The following PHRF1 variants were observed in gnomAD, a reference collection of about 807,000 sequenced individuals.
PHRF1 encodes the protein PHD and RING finger domain-containing protein 1.
PHRF1 carries 53 observed loss-of-function variants against 128.9 expected under a neutral mutation model. That is an observed-to-expected ratio of 0.41 (90% CI 0.33 to 0.52). The LOEUF (loss-of-function observed/expected upper bound fraction) is 0.52. PHRF1 is among the 20% of genes least tolerant of loss of function. PHRF1 has a pLI of 0.21. For missense variants in PHRF1, 2,503 were observed against 2,284.5 expected, an observed-to-expected ratio of 1.10 and a Z score of -1.95; for synonymous variants, 1,178 against 980.6, an observed-to-expected ratio of 1.20 and a Z score of -3.76.
intron 9 of PHRF1, among the ~76,000 whole-genome samples, chr11:598,877 T>G (rs1855464004): frequency 6.6e-6 from 1 of 152,244 alleles, no homozygotes; most frequent in African/African-American, 2.4e-5. Flanking sequence ...CGAGTTGAGA[T>G]CAGTGATTTC....
Position 597,633 on chromosome 11 carries a change from CTGGG to C in PHRF1, c.894+72_894+75del. 1.5e-6 allele frequency: 2 copies of C among 1,352,286 alleles called. No individual in the cohort carries two copies. Among genetic ancestry groups the C allele is most frequent in the Non-Finnish European group, 2.0e-6 (2 of 993,430 alleles). The allele number at this position is 1,352,286 out of a possible 1,614,324, so 83.8% of individuals were successfully genotyped here. A position where few individuals can be genotyped will look rare whatever the true frequency, so the allele number is the denominator to read the frequency against. On this transcript the variant is annotated intron_variant, in intron 8 of 17. Transcript: ENST00000264555. This position sits in a 1 kb window ranked among gnomAD's most constrained non-coding sequence, Gnocchi z 6.5. Reference sequence around the variant, plus strand: ...AGCTGCCCAGAGTGATCTCGGCAGTCTGGGTGGGTGGGAGGGGCGTCGTCGGCAC... The same window carrying C: ...AGCTGCCCAGAGTGATCTCGGCAGTCTGGGTGGGAGGGGCGTCGTCGGCAC...
At chr11:577,926 C>G (rs1163406048) in intron 1 of PHRF1, among the ~76,000 whole-genome samples, 1 of 152,266 alleles carries the variant, frequency 6.6e-6, no homozygotes, top group Non-Finnish European at 1.5e-5. Context: ...CTTTAATCCC[C>G]CAAATCTGGA....
intron 6 of PHRF1, among the ~76,000 whole-genome samples, chr11:595,435 G>A (rs1161051820): frequency 6.6e-6 from 1 of 152,124 alleles, no homozygotes; most frequent in Non-Finnish European, 1.5e-5. Flanking sequence ...GGCAGTGCAG[G>A]GGCTCACTGA....
intron 3 of PHRF1, among the ~76,000 whole-genome samples, chr11:583,286 C>T (rs1007103706): frequency 6.6e-6 from 1 of 151,966 alleles, no homozygotes; most frequent in Admixed American, 6.6e-5. Context: ...TTGCAGTGAG[C>T]CAAGATCGCC....
chr11:585,161 T>C (rs1854457503), intron 3 of PHRF1, among the ~76,000 whole-genome samples: 1 of 152,188 alleles, frequency 6.6e-6, no homozygotes, highest in South Asian at 2.1e-4. Flanking sequence ...TTCGTTCTCA[T>C]TGCTTTTCCC....
chr11:581,041 C>A (rs898858076), intron 1 of PHRF1, among the ~76,000 whole-genome samples: 65 of 152,102 alleles, frequency 4.3e-4, no homozygotes, highest in African/African-American at 1.5e-3. Flanking sequence ...TCAGGCTGGT[C>A]TCAAACTCCC....
intron 10 of PHRF1, among the ~76,000 whole-genome samples, chr11:604,571 G>T (rs1855834220): frequency 6.6e-6 from 1 of 152,220 alleles, no homozygotes; most frequent in Non-Finnish European, 1.5e-5. Context: ...TGGAGTTACA[G>T]TGGTGCAATC....
chr11:581,530 G>C lies in PHRF1; in HGVS notation c.18G>C (p.Leu6=), dbSNP rs372176522. The change falls in exon 2 of 18, where the codon CTG becomes CTC. Residue 6 remains leucine (L), a synonymous_variant. Coordinates refer to ENST00000264555, the MANE Select transcript of PHRF1 (RefSeq NM_001286581.2). Reference sequence around the variant, plus strand: ...GTGCAGCAATGGATGACGACAGCCTGGATGAGCTTGTGGCCCGGAGCCCAG... The same window carrying C: ...GTGCAGCAATGGATGACGACAGCCTCGATGAGCTTGTGGCCCGGAGCCCAG... MDDDS[L]DELVARSPGP... 2.8e-4 allele frequency: 448 copies of C among 1,613,550 alleles called. No individual in the cohort carries two copies. Among genetic ancestry groups the C allele is most frequent in the Non-Finnish European group, 3.3e-4 (395 of 1,179,894 alleles).
At position 593,223 on chromosome 11, in the gene PHRF1, C is replaced by A. The variant is rs190946394; in HGVS notation, c.620+549C>A. 6.3e-4 allele frequency among the ~76,000 whole-genome samples: 96 copies of A among 152,354 alleles called. No individual in the cohort carries two copies. In the East Asian group the frequency reaches 0.015, roughly 24 times the overall value. On this transcript the variant is annotated intron_variant, in intron 6 of 17. Coordinates refer to ENST00000264555, the MANE Select transcript of PHRF1 (RefSeq NM_001286581.2). ...TGTCGTTGGCTGTAAGCAGATGCCC[C>A]CTTCCCCGTTAGCCTCCTGCGAGGG...
At position 598,417 on chromosome 11, in the gene PHRF1, C is replaced by G. The variant is rs757516242; in HGVS notation, c.939C>G (p.Ile313Met). ...RLGSSLLDEA[I>M]EAVATGLSTA... is the part of the protein sequence containing the mutation. ...GGTCTTCCCTGCTGGATGAAGCCAT[C>G]GAGGCTGTGGCGACTGGCCTGAGCA... is the stretch of plus-strand genomic sequence containing the variant. The change falls in exon 9 of 18, where the codon ATC (isoleucine) becomes ATG (methionine). Residue 313 changes from isoleucine (I) to methionine (M), a missense_variant. By Grantham distance (10) the Ile-to-Met change is conservative. Coordinates refer to ENST00000264555, the MANE Select transcript of PHRF1 (RefSeq NM_001286581.2). 7 of 1,611,206 alleles carry G rather than the reference C, an allele frequency of 4.3e-6. No homozygotes were observed. Among genetic ancestry groups the G allele is most frequent in the Middle Eastern group, 3.3e-4 (2 of 6,060 alleles).
chr11:579,226 A>G (rs1854065489), intron 1 of PHRF1, among the ~76,000 whole-genome samples: 2 of 149,728 alleles, frequency 1.3e-5, no homozygotes, highest in South Asian at 2.1e-4. Flanking sequence ...GGACTCCCCC[A>G]GCCCTGCTCC....
intron 1 of PHRF1, among the ~76,000 whole-genome samples, chr11:577,114 C>A (rs1853908827): frequency 6.6e-6 from 1 of 152,248 alleles, no homozygotes; most frequent in African/African-American, 2.4e-5. Flanking sequence ...GCCTTGTCTG[C>A]ATGTCCACAG....
intron 3 of PHRF1, among the ~76,000 whole-genome samples, chr11:584,973 G>C (rs1229161173): frequency 1.3e-5 from 2 of 152,074 alleles, no homozygotes; most frequent in East Asian, 3.9e-4. Context: ...CCTGACCTCA[G>C]GTGATCCACC....
At chr11:606,822 G>C in intron 13 of PHRF1, 1 of 861,038 alleles carries the variant, frequency 1.2e-6, no homozygotes, top group Admixed American at 3.0e-5. Flanking sequence ...TGTCCTGATG[G>C]GGTACTGCCC....
At chr11:583,981 A>G (rs1188118025) in intron 3 of PHRF1, among the ~76,000 whole-genome samples, 1 of 152,216 alleles carries the variant, frequency 6.6e-6, no homozygotes, top group Admixed American at 6.5e-5. Flanking sequence ...GGCTACTGTG[A>G]TCTGTGTGTA....
At chr11:583,042 A>G (rs751197023) in intron 3 of PHRF1, among the ~76,000 whole-genome samples, 15 of 147,134 alleles carry the variant, frequency 1.0e-4, no homozygotes, top group Non-Finnish European at 1.9e-4. Context: ...TCAAAGGAAG[A>G]AAAAGAAATT....
In PHRF1 at chr11:587,275, AGAC is replaced by A; in HGVS notation, c.236_238del (p.Asp79del). 6.2e-7 allele frequency: 1 copy of A among 1,613,434 alleles called. No homozygotes were observed. The highest frequency in any genetic ancestry group is 2.2e-5 in the East Asian group (1 of 44,884). ...CCTCTCCAGGTTCCGAGGATTCTGA[AGAC>A]GACGGGGAGACATTGCTGGAGGTAG... is the stretch of plus-strand genomic sequence containing the variant. On this transcript the variant is annotated inframe_deletion, in exon 4 of 18. Transcript: ENST00000264555.
Position 611,753 on chromosome 11 carries a change from G to C in PHRF1, c.4926G>C (p.Pro1642=). The change falls in exon 18 of 18, where the codon CCG becomes CCC. Residue 1642 remains proline, a synonymous_variant. Coordinates refer to ENST00000264555, the MANE Select transcript of PHRF1 (RefSeq NM_001286581.2). ...AGAAACCAGAGGCCGGGGAGGAGCC[G>C]CCCACGCAGGGGGCCGAGGGCTGAG... ...RHKKPEAGEE[P]PTQGAEG 6.2e-7 allele frequency: 1 copy of C among 1,609,884 alleles called. No individual in the cohort carries two copies. The highest frequency in any genetic ancestry group is 8.5e-7 in the Non-Finnish European group (1 of 1,178,564).
intron 6 of PHRF1, among the ~76,000 whole-genome samples, chr11:594,975 C>T (rs1199984207): frequency 6.6e-6 from 1 of 152,218 alleles, no homozygotes; most frequent in African/African-American, 2.4e-5. Flanking sequence ...TACTTCTAAA[C>T]ATTTCCATAC....
Sources: allele counts gnomAD v4.1 joint callset (sites outside exome capture counted in the v4.1 genomes callset), GRCh38; gene constraint gnomAD v4.1.1; non-coding constraint Gnocchi (gnomAD v3.1); transcripts MANE v1.5; gene names NCBI Gene and HGNC (gene_info 2026-07-23, HGNC 2026-07-21).